Variants in COPZ2 observed in about 807,000 individuals in gnomAD.
COPZ2 encodes the protein coatomer subunit zeta-2.
COPZ2 carries 30 observed loss-of-function variants against 33.2 expected under a neutral mutation model. The observed-to-expected ratio is 0.90, with a 90% confidence interval of 0.68 to 1.23. The LOEUF is 1.23. COPZ2 is among the 50% of genes most tolerant of loss of function. The pLI, the probability that COPZ2 is intolerant of heterozygous loss-of-function variation, is 0.00. For missense variants in COPZ2, 263 were observed against 262.4 expected (o/e 1.00, Z -0.02); for synonymous variants, 89 against 102.6 (o/e 0.87, Z 0.80).
In COPZ2 at chr17:48,026,309, A is replaced by G. The variant is rs1241983279; in HGVS notation, c.*119T>C. ...AGAAGCCCTGGCTGGAGACCTTAGG[A>G]GTCAGTTCTGGGAGGGACCTGGGGA... is the stretch of plus-strand genomic sequence containing the variant. On this transcript the variant is annotated 3_prime_UTR_variant, in exon 9 of 9. Coordinates refer to ENST00000621465, the MANE Select transcript of COPZ2 (RefSeq NM_016429.4). 5 of 758,146 alleles carry G rather than the reference A, an allele frequency of 6.6e-6. No homozygotes were observed. Among genetic ancestry groups the G allele is most frequent in the Non-Finnish European group, 1.1e-5 (5 of 451,682 alleles). The allele number at this position is 758,146 out of a possible 1,614,324, so 47.0% of individuals were successfully genotyped here. A position where few individuals can be genotyped will look rare whatever the true frequency, so the allele number is the denominator to read the frequency against.
rs2036848918 is a variant in COPZ2, at chr17:48,028,598, G to C, written c.547-88C>G. On this transcript the variant is annotated intron_variant, in intron 7 of 8. Transcript: ENST00000621465. This position sits in a 1 kb window ranked among gnomAD's most constrained non-coding sequence, Gnocchi z 4.5. ...TGAAGGAAAGGGGCTTGGGGGTATG[G>C]GTGAGGTGGTGCAGTGGTTAGGGTG... is the stretch of plus-strand genomic sequence containing the variant. 8.0e-7 allele frequency: 1 copy of C among 1,247,126 alleles called. No individual in the cohort carries two copies. The highest frequency in any genetic ancestry group is 2.5e-5 in the East Asian group (1 of 39,792). The allele number at this position is 1,247,126 out of a possible 1,614,324, so 77.3% of individuals were successfully genotyped here.
At chr17:48,038,482 G>C (rs2037026693), upstream of COPZ2, among the ~76,000 whole-genome samples, 1 of 152,186 alleles carries the variant, frequency 6.6e-6, no homozygotes, top group Non-Finnish European at 1.5e-5. Flanking sequence ...GGGTACACTG[G>C]CAAGTGGGAA....
chr17:48,030,920 C>G lies in COPZ2; in HGVS notation c.494+1236G>C, dbSNP rs554813690. 2.0e-5 allele frequency among the ~76,000 whole-genome samples: 3 copies of G among 152,306 alleles called. No individual in the cohort carries two copies. The East Asian group carries it at 5.8e-4, about 29-fold the overall frequency. On this transcript the variant is annotated intron_variant, in intron 6 of 8. Coordinates refer to ENST00000621465, the MANE Select transcript of COPZ2 (RefSeq NM_016429.4). ...CTGGCTCCCCAAAACCTGGCGTTAC[C>G]CCACTCCCTTTTGGGTCCCAGAAAT...
At chr17:48,036,431 G>T (rs1314832410) in intron 2 of COPZ2, among the ~76,000 whole-genome samples, 2 of 152,142 alleles carry the variant, frequency 1.3e-5, no homozygotes, top group Non-Finnish European at 2.9e-5. Flanking sequence ...ATCCCATCTG[G>T]TTCTAAATCC....
intron 2 of COPZ2, 54 bp from the exon 3 acceptor site, chr17:48,033,998 C>T: frequency 7.6e-7 from 1 of 1,314,892 alleles, no homozygotes; most frequent in Non-Finnish European, 1.1e-6. Context: ...CCTGGATCCT[C>T]CCTAGATTGG....
upstream of COPZ2, among the ~76,000 whole-genome samples, chr17:48,040,519 G>A (rs1375070412): frequency 1.4e-5 from 2 of 146,284 alleles, no homozygotes; most frequent in South Asian, 2.3e-4. Flanking sequence ...TGCAACCTCC[G>A]CCTCACGGGT....
chr17:48,037,911 C>T, upstream of COPZ2: 4 of 907,528 alleles, frequency 4.4e-6, no homozygotes, highest in South Asian at 1.5e-4. The surrounding 1 kb of genome is among the most constrained non-coding windows in gnomAD (Gnocchi z 5.6). Flanking sequence ...TGCTCGTTCT[C>T]CCCCATCTCC....
intron 3 of COPZ2, 120 bp downstream of exon 3, chr17:48,033,743 G>T: frequency 1.3e-6 from 1 of 755,594 alleles, no homozygotes. Context: ...AGGACAAAAA[G>T]CCTCTGAAGA....
chr17:48,034,878 T>A (rs1223956086), intron 2 of COPZ2, among the ~76,000 whole-genome samples: 1 of 151,952 alleles, frequency 6.6e-6, no homozygotes. Flanking sequence ...CCCAGCTACT[T>A]GGGAGGGTGA....
chr17:48,029,409 C>T, intron 6 of COPZ2: 2 of 599,746 alleles, frequency 3.3e-6, no homozygotes, highest in Non-Finnish European at 2.9e-6. Flanking sequence ...CATCCCTGGG[C>T]AAAATCTTTG....
rs773551863 is a variant in COPZ2, at chr17:48,028,294, G to A, written c.585+178C>T. On this transcript the variant is annotated intron_variant, in intron 8 of 8. Transcript: ENST00000621465. This position sits in a 1 kb window ranked among gnomAD's most constrained non-coding sequence, Gnocchi z 4.5. ...CCAGCTCCCCTGAGTTGGAGAGCCC[G>A]GAGGCCTCCAGTGAGTCTTTCCAAG... Among the ~76,000 whole-genome samples the A allele has an allele frequency of 3.3e-5, 5 of 152,106 alleles. No individual in the cohort carries two copies. Among genetic ancestry groups the A allele is most frequent in the Non-Finnish European group, 5.9e-5 (4 of 68,008 alleles).
rs2144317598 is a variant in COPZ2, at chr17:48,037,730, G to A, written c.48C>T (p.Ala16=). 10 of 1,064,918 alleles carry A rather than the reference G, an allele frequency of 9.4e-6. No homozygotes were observed. In the East Asian group the frequency reaches 2.7e-4, roughly 29 times the overall value. The allele number at this position is 1,064,918 out of a possible 1,614,324, so 66.0% of individuals were successfully genotyped here. Residue 16 remains alanine (A), a synonymous_variant, in exon 1 of 9, where the codon GCC becomes GCT. Transcript: ENST00000621465. This position sits in a 1 kb window ranked among gnomAD's most constrained non-coding sequence, Gnocchi z 5.6. ...CCGGGCCCCCGGCCTGGGCCGCCGC[G>A]GCCCCCTCCCCCGGGTGCGGACGTG... ...AWPRPHPGEG[A]AAAQAGGPAP...
At position 48,026,313 on chromosome 17, in the gene COPZ2, A is replaced by C. The variant is rs2144287847; in HGVS notation, c.*115T>G. 1 of 788,774 alleles carries C rather than the reference A, an allele frequency of 1.3e-6. No individual in the cohort carries two copies. The highest frequency in any genetic ancestry group is 2.6e-5 in the East Asian group (1 of 38,656). The allele number at this position is 788,774 out of a possible 1,614,324, so 48.9% of individuals were successfully genotyped here. A position where few individuals can be genotyped will look rare whatever the true frequency, so the allele number is the denominator to read the frequency against. ...GCCCTGGCTGGAGACCTTAGGAGTCAGTTCTGGGAGGGACCTGGGGATACA... is the reference window on the plus strand; with the variant it reads ...GCCCTGGCTGGAGACCTTAGGAGTCCGTTCTGGGAGGGACCTGGGGATACA... On this transcript the variant is annotated 3_prime_UTR_variant, in exon 9 of 9. Coordinates refer to ENST00000621465, the MANE Select transcript of COPZ2 (RefSeq NM_016429.4).
In COPZ2 at chr17:48,033,045, A is replaced by C. The variant is rs1172786218; in HGVS notation, c.360+166T>G. On this transcript the variant is annotated intron_variant, in intron 4 of 8. Coordinates refer to ENST00000621465, the MANE Select transcript of COPZ2 (RefSeq NM_016429.4). ...GGAAACTAAGGGGCATCGAAGATAC[A>C]CATTGTCCCAGAAAGAACCCTTCTG... The C allele has an allele frequency of 5.4e-5, 33 of 608,636 alleles. No homozygotes were observed. In the East Asian group the frequency reaches 9.1e-4, roughly 17 times the overall value. The allele number at this position is 608,636 out of a possible 1,614,324, so 37.7% of individuals were successfully genotyped here.
rs190823811 is a variant in COPZ2, at chr17:48,029,696, C to T, written c.495-520G>A. 3.2e-4 allele frequency among the ~76,000 whole-genome samples: 48 copies of T among 150,038 alleles called. No homozygotes were observed. In the East Asian group the frequency reaches 9.0e-3, roughly 28 times the overall value. ...TTTTTTTTTTTTTTAAGGCTGGGCA[C>T]GGTGGCTCATGCCTGTAATCCCAGC... On this transcript the variant is annotated intron_variant, in intron 6 of 8. Transcript: ENST00000621465.
upstream of COPZ2, among the ~76,000 whole-genome samples, chr17:48,041,990 G>A (rs1235963157): frequency 6.6e-6 from 1 of 152,064 alleles, no homozygotes; most frequent in Non-Finnish European, 1.5e-5. Flanking sequence ...AGGTGGGGAA[G>A]GAGTCAGTTA....
rs888985273 is a variant in COPZ2, at chr17:48,036,993, T to C, written c.112-68A>G. 7 of 1,376,636 alleles carry C rather than the reference T, an allele frequency of 5.1e-6. No homozygotes were observed. The Admixed American group carries it at 8.6e-5, about 17-fold the overall frequency. The allele number at this position is 1,376,636 out of a possible 1,614,324, so 85.3% of individuals were successfully genotyped here. ...GTGGACACCCTGTGTCTATGGGATC[T>C]GCTGGCCCTAGGATACATCCTCAGG... On this transcript the variant is annotated intron_variant, in intron 1 of 8. Transcript: ENST00000621465.
In COPZ2 at chr17:48,028,568, G is replaced by A; in HGVS notation, c.547-58C>T. On this transcript the variant is annotated intron_variant, in intron 7 of 8. Coordinates refer to ENST00000621465, the MANE Select transcript of COPZ2 (RefSeq NM_016429.4). The surrounding 1 kb of genome is among the most constrained non-coding windows in gnomAD (Gnocchi z 4.5). ...GGCCAGCATGAGGGTCCTGGGTCAG[G>A]GAGGTGAAGGAAAGGGGCTTGGGGG... The A allele has an allele frequency of 1.3e-6, 2 of 1,555,132 alleles. No homozygotes were observed. Among genetic ancestry groups the A allele is most frequent in the Non-Finnish European group, 8.8e-7 (1 of 1,142,474 alleles).
chr17:48,042,115 G>A (rs1475993144), upstream of COPZ2, among the ~76,000 whole-genome samples: 1 of 152,034 alleles, frequency 6.6e-6, no homozygotes, highest in Non-Finnish European at 1.5e-5. Context: ...ATCTATCACT[G>A]TTGTTGCTTT....
Sources: gnomAD v4.1 joint callset for allele counts (sites outside exome capture counted in the v4.1 genomes callset) on GRCh38, gnomAD v4.1.1 for gene constraint, Gnocchi (gnomAD v3.1) non-coding constraint, MANE v1.5 for transcripts, NCBI Gene and HGNC (gene_info 2026-07-23, HGNC 2026-07-21) for gene names.